Variants in CD36 observed in about 807,000 individuals in gnomAD.
CD36 encodes CD36 molecule (CD36 blood group), also known as platelet glycoprotein 4.
Under a neutral mutation model 55.2 loss-of-function variants are expected in CD36, and 119 were observed. The observed-to-expected ratio is 2.15, with a 90% CI of 1.86 to 2.51. CD36 has a LOEUF of 2.51. CD36 is among the 30% of genes most tolerant of loss of function. The pLI, the probability that CD36 is intolerant of heterozygous loss-of-function variation, is 0.00. For synonymous variants in CD36, 186 were observed against 193.6 expected (o/e 0.96, Z 0.33); for missense variants, 819 against 555.5 (o/e 1.47, Z -4.77).
intron 1 of CD36, among the ~76,000 whole-genome samples, chr7:80,619,673 C>T (rs1375151446): frequency 7.7e-6 from 1 of 129,574 alleles, no homozygotes; most frequent in Non-Finnish European, 1.7e-5. Context: ...AAAAAAAAGG[C>T]TATAATTTCC....
upstream of CD36, among the ~76,000 whole-genome samples, chr7:80,637,386 C>T (rs1183026525): frequency 6.6e-6 from 1 of 151,672 alleles, no homozygotes; most frequent in African/African-American, 2.4e-5. Flanking sequence ...TCTTTTCTAA[C>T]TGAAAGCATA....
intron 4 of CD36, 79 bp downstream of exon 4, chr7:80,656,779 A>G: frequency 7.9e-7 from 1 of 1,268,774 alleles, no homozygotes; most frequent in East Asian, 2.3e-5. Flanking sequence ...GGCAAATGTC[A>G]TTGTATTGAA....
chr7:80,674,397 C>G (rs1798063301), intron 14 of CD36: 1 of 318,918 alleles, frequency 3.1e-6, no homozygotes, highest in African/African-American at 2.3e-5. Flanking sequence ...ACAAATAAAG[C>G]ACTTGTGCCA....
Position 80,678,405 on chromosome 7 carries a change from A to G in CD36, c.*2022A>G, listed in dbSNP as rs1348086865. ...ATTAACAGATTAGAGAATCAACAGC[A>G]TCGGAAAATAGGTTAATGCATATTG... On this transcript the variant is annotated 3_prime_UTR_variant, in exon 15 of 15. Transcript: ENST00000447544. 2 of 152,340 alleles carry G rather than the reference A, an allele frequency of 1.3e-5. No homozygotes were observed. The highest frequency in any genetic ancestry group is 3.9e-4 in the East Asian group (2 of 5,186). 9.4% of individuals were successfully genotyped at this position (152,340 alleles called of 1,614,324 possible). A position where few individuals can be genotyped will look rare whatever the true frequency, so the allele number is the denominator to read the frequency against.
At position 80,675,251 on chromosome 7, in the gene CD36, T is replaced by TGTCA. The variant is rs574400273; in HGVS notation, c.*1107_*1110dup. ...AAAGTTAAATATTACCTTCAATACC[T>TGTCA]GTCAGTAGCCTACTGACAAATTATG... On this transcript the variant is annotated intron_variant, in intron 14 of 14. Coordinates refer to ENST00000447544, the MANE Select transcript of CD36 (RefSeq NM_001001548.3). 4.2e-3 allele frequency among the ~76,000 whole-genome samples: 646 copies of TGTCA among 152,262 alleles called. 3 individuals carry two copies. The highest frequency in any genetic ancestry group is 0.015 in the African/African-American group (614 of 41,562).
intron 1 of CD36, among the ~76,000 whole-genome samples, chr7:80,631,371 A>G (rs1008210460): frequency 1.3e-5 from 2 of 152,058 alleles, no homozygotes; most frequent in Non-Finnish European, 2.9e-5. Context: ...GCATAACCAC[A>G]AGGTAAAGTA....
intron 7 of CD36, among the ~76,000 whole-genome samples, chr7:80,664,894 T>C (rs917727304): frequency 6.6e-5 from 10 of 150,828 alleles, no homozygotes; most frequent in African/African-American, 2.4e-4. Context: ...GTGTAGTAGA[T>C]GGAAACTTTT....
At chr7:80,602,599 A>T (rs1177928876) in intron 1 of CD36, among the ~76,000 whole-genome samples, 4 of 152,168 alleles carry the variant, frequency 2.6e-5, no homozygotes. Flanking sequence ...CATATCCACA[A>T]GTCTCTAAAT....
chr7:80,666,424 T>C lies in CD36; in HGVS notation c.702-19T>C. On this transcript the variant is annotated intron_variant, in intron 7 of 14. Coordinates refer to ENST00000447544, the MANE Select transcript of CD36 (RefSeq NM_001001548.3). ...TCTTTAAATAAGAATGTTTATTCAT[T>C]GTCTTTTTCTATTCCTAGGAATCTG... is the stretch of plus-strand genomic sequence containing the variant. 6.5e-7 allele frequency: 1 copy of C among 1,532,538 alleles called. No individual in the cohort carries two copies. The allele number at this position is 1,532,538 out of a possible 1,614,324, so 94.9% of individuals were successfully genotyped here.
rs1310150448 is a variant in CD36, at chr7:80,662,999, C to T, written c.439C>T (p.His147Tyr). The T allele has an allele frequency of 1.9e-6, 3 of 1,611,446 alleles. No homozygotes were observed. The highest frequency in any genetic ancestry group is 1.3e-5 in the African/African-American group (1 of 74,772). ...GACTTTGTTTTTGTAGGCTGCATCCCATATCTATCAAAATCAATTTGTTCA... is the reference window on the plus strand; with the variant it reads ...GACTTTGTTTTTGTAGGCTGCATCCTATATCTATCAAAATCAATTTGTTCA... The part of the protein sequence containing the change: ...VLNLAVAAAS[H>Y]IYQNQFVQMI... The change falls in exon 6 of 15, where the codon CAT (histidine) becomes TAT (tyrosine). Residue 147 changes from histidine to tyrosine, a missense_variant. By Grantham distance (83) the His-to-Tyr change is moderately conservative. Transcript: ENST00000447544.
chr7:80,664,511 TA>T lies in CD36; in HGVS notation c.701+18del. ...TAAAGGTAAAAGGTAAGTATTCTGGTAAAATGTGCATGTATGTTACTAGGGT... is the reference window on the plus strand; with the variant it reads ...TAAAGGTAAAAGGTAAGTATTCTGGTAAATGTGCATGTATGTTACTAGGGT... On this transcript the variant is annotated intron_variant, in intron 7 of 14. Transcript: ENST00000447544. The T allele has an allele frequency of 7.4e-7, 1 of 1,350,016 alleles. No homozygotes were observed. Among genetic ancestry groups the T allele is most frequent in the Non-Finnish European group, 1.1e-6 (1 of 939,986 alleles). The allele number at this position is 1,350,016 out of a possible 1,614,324, so 83.6% of individuals were successfully genotyped here.
intron 3 of CD36, among the ~76,000 whole-genome samples, chr7:80,649,123 A>T (rs1795403838): frequency 6.6e-6 from 1 of 152,126 alleles, no homozygotes; most frequent in South Asian, 2.1e-4. Context: ...ATTCTTACTA[A>T]GAGTTTCCTA....
At position 80,677,366 on chromosome 7, in the gene CD36, A is replaced by AGCTT. The variant is rs1798195131; in HGVS notation, c.*985_*988dup. ...AGAAAGGGAAGATAAACCAAATTCT[A>AGCTT]GCTTGTGTTTTACCCACAGAAGGAT... On this transcript the variant is annotated 3_prime_UTR_variant, in exon 15 of 15. Coordinates refer to ENST00000447544, the MANE Select transcript of CD36 (RefSeq NM_001001548.3). 6.6e-6 allele frequency: 1 copy of AGCTT among 152,194 alleles called. No homozygotes were observed. Among genetic ancestry groups the AGCTT allele is most frequent in the Non-Finnish European group, 1.5e-5 (1 of 68,042 alleles). 9.4% of individuals were successfully genotyped at this position (152,194 alleles called of 1,614,324 possible).
intron 1 of CD36, among the ~76,000 whole-genome samples, chr7:80,643,275 T>C (rs1356750080): frequency 6.6e-6 from 1 of 152,166 alleles, no homozygotes; most frequent in Non-Finnish European, 1.5e-5. Flanking sequence ...AGGGCTAATA[T>C]ATGCACATAT....
intron 8 of CD36, among the ~76,000 whole-genome samples, chr7:80,666,803 T>C (rs1290407974): frequency 6.6e-6 from 1 of 152,214 alleles, no homozygotes; most frequent in African/African-American, 2.4e-5. Flanking sequence ...AACACTTTAG[T>C]TACATTTCAA....
rs945737101 is a variant in CD36, at chr7:80,654,212, G to A, written c.121-2328G>A. ...GGACACTCATTGTAGAGTTAGGAAG[G>A]CATTCAATCCTGTCAAGCACATTCT... is the stretch of plus-strand genomic sequence containing the variant. On this transcript the variant is annotated intron_variant, in intron 3 of 14. Transcript: ENST00000447544. Among the ~76,000 whole-genome samples the A allele has an allele frequency of 3.9e-5, 6 of 152,160 alleles. No individual in the cohort carries two copies. The East Asian group carries it at 5.8e-4, about 15-fold the overall frequency.
chr7:80,672,767 T>C lies in CD36; in HGVS notation c.1126-3T>C, dbSNP rs995362799. 1.4e-5 allele frequency: 23 copies of C among 1,599,630 alleles called. No homozygotes were observed. Among genetic ancestry groups the C allele is most frequent in the Non-Finnish European group, 1.9e-5 (22 of 1,168,838 alleles). Reference sequence around the variant, plus strand: ...GGTAATTATTTAGTTGTTCTCTTTTTAGATAACTGGATTCACTTTACAATT... The same window carrying C: ...GGTAATTATTTAGTTGTTCTCTTTTCAGATAACTGGATTCACTTTACAATT... On this transcript the variant is annotated splice_region_variant and splice_polypyrimidine_tract_variant and intron_variant, in intron 11 of 14. Coordinates refer to ENST00000447544, the MANE Select transcript of CD36 (RefSeq NM_001001548.3).
intron 1 of CD36, among the ~76,000 whole-genome samples, chr7:80,639,230 T>G (rs966069722): frequency 6.6e-6 from 1 of 151,962 alleles, no homozygotes; most frequent in Non-Finnish European, 1.5e-5. Flanking sequence ...CAATCTGAAT[T>G]GCACAACTTT....
At chr7:80,612,962 T>A (rs1792956758) in intron 1 of CD36, among the ~76,000 whole-genome samples, 1 of 152,136 alleles carries the variant, frequency 6.6e-6, no homozygotes, top group South Asian at 2.1e-4. Flanking sequence ...TGAATAATAT[T>A]CCATATATTT....
Sources: gnomAD v4.1 joint callset for allele counts (sites outside exome capture counted in the v4.1 genomes callset) on GRCh38, gnomAD v4.1.1 for gene constraint, MANE v1.5 for transcripts, NCBI Gene and HGNC (gene_info 2026-07-23, HGNC 2026-07-21) for gene names.